The following POLA1 variants were observed in gnomAD, a reference collection of about 807,000 sequenced individuals.
The protein encoded by POLA1 is DNA polymerase alpha catalytic subunit.
Under a neutral mutation model 124.0 loss-of-function variants are expected in POLA1, and 15 were observed. The observed-to-expected ratio is 0.12, with a 90% confidence interval of 0.08 to 0.19. POLA1 has a LOEUF of 0.19. Ranked by LOEUF, POLA1 falls within the 10% of genes least tolerant of loss-of-function variation. The pLI is 1.00. For synonymous variants in POLA1, 408 were observed against 389.4 expected, an observed-to-expected ratio of 1.05 and a Z score of -0.56; for missense variants, 886 against 1,103.4, an observed-to-expected ratio of 0.80 and a Z score of 2.79.
At chrX:24,951,369 G>A (rs865801482) in intron 36 of POLA1, among the ~76,000 whole-genome samples, 1 of 69,695 alleles carries the variant, frequency 1.4e-5, no homozygotes, top group South Asian at 1.2e-3. Flanking sequence ...ACCAAATGCA[G>A]ACGAGGATAT....
intron 36 of POLA1, among the ~76,000 whole-genome samples, chrX:24,989,260 G>A: frequency 9.0e-6 from 1 of 111,174 alleles, no homozygotes; most frequent in East Asian, 2.8e-4. Flanking sequence ...ACAAAAACCT[G>A]TGAGAACCAG....
chrX:24,828,559 C>T lies in POLA1; in HGVS notation c.3736+1958C>T, dbSNP rs752889087. Among the ~76,000 whole-genome samples the T allele has an allele frequency of 2.7e-5, 3 of 111,984 alleles. No individual in the cohort carries two copies. The East Asian group carries it at 8.4e-4, about 31-fold the overall frequency. On this transcript the variant is annotated intron_variant, in intron 32 of 36. Transcript: ENST00000379068. ...CTCTATTTCTCACTGTACTCCCCCC[C>T]GCTCTCCACTGAAAACCTCTGAGTA...
intron 19 of POLA1, 148 bp from the exon 20 acceptor site, chrX:24,739,227 T>A (rs1931486027): frequency 2.2e-6 from 1 of 448,043 alleles, no homozygotes; most frequent in Admixed American, 4.2e-5. Flanking sequence ...TAATGTCAGA[T>A]ACATAGTAAA....
intron 34 of POLA1, among the ~76,000 whole-genome samples, chrX:24,886,582 G>T (rs1233019946): frequency 1.8e-5 from 2 of 111,548 alleles, no homozygotes; most frequent in African/African-American, 6.5e-5. Flanking sequence ...CTATTCCGAG[G>T]AATGAGGTCA....
chrX:24,919,372 C>G (rs2047578597), intron 35 of POLA1, among the ~76,000 whole-genome samples: 1 of 111,119 alleles, frequency 9.0e-6, no homozygotes. Context: ...TAATTTTATG[C>G]CAGATACCGT....
At chrX:24,802,866 C>T (rs574545843) in intron 26 of POLA1, among the ~76,000 whole-genome samples, 5 of 111,083 alleles carry the variant, frequency 4.5e-5, no homozygotes, top group South Asian at 3.8e-4. Flanking sequence ...GGCGTGGTGG[C>T]GCCTGCCTGT....
intron 26 of POLA1, among the ~76,000 whole-genome samples, chrX:24,766,987 A>G (rs1383865282): frequency 8.9e-6 from 1 of 111,860 alleles, no homozygotes; most frequent in Non-Finnish European, 1.9e-5. Context: ...TTGCTTTTGA[A>G]GCTGTTCAGT....
At chrX:24,814,898 C>T in intron 29 of POLA1, 81 bp from the exon 30 acceptor site, 1 of 678,243 alleles carries the variant, frequency 1.5e-6, no homozygotes, top group Non-Finnish European at 2.1e-6. Context: ...TGGCATTTCT[C>T]TTCCTTCTTC....
At chrX:24,975,300 G>A (rs770606091) in intron 36 of POLA1, among the ~76,000 whole-genome samples, 2 of 112,580 alleles carry the variant, frequency 1.8e-5, no homozygotes, top group African/African-American at 6.4e-5. Flanking sequence ...GTGGGCCACC[G>A]CACCCGGCCC....
At chrX:24,884,296 G>A (rs987138528) in intron 34 of POLA1, among the ~76,000 whole-genome samples, 3 of 110,700 alleles carry the variant, frequency 2.7e-5, no homozygotes, top group East Asian at 2.8e-4. Flanking sequence ...CCGTAGGTGC[G>A]TGCCACCACT....
chrX:24,771,922 G>A (rs1478112568), intron 26 of POLA1, among the ~76,000 whole-genome samples: 1 of 111,660 alleles, frequency 9.0e-6, no homozygotes, highest in African/African-American at 3.3e-5. Context: ...TAAAATTACA[G>A]TCTAACAATC....
At chrX:24,972,516 C>T (rs971127987) in intron 36 of POLA1, among the ~76,000 whole-genome samples, 14 of 111,866 alleles carry the variant, frequency 1.3e-4, no homozygotes, top group African/African-American at 4.2e-4. Flanking sequence ...AGTTCCCAAA[C>T]GTATATGCTG....
intron 36 of POLA1, among the ~76,000 whole-genome samples, chrX:24,961,748 T>TA (rs1446744201): frequency 1.8e-5 from 2 of 111,597 alleles, no homozygotes; most frequent in Non-Finnish European, 3.8e-5. Context: ...GGAGCTTTTT[T>TA]AAAAAAATCT....
intron 36 of POLA1, among the ~76,000 whole-genome samples, chrX:24,959,876 T>C (rs2048150127): frequency 1.8e-5 from 2 of 111,589 alleles, no homozygotes; most frequent in African/African-American, 6.5e-5. Context: ...TGGCTTACAT[T>C]ATATTATTAT....
At chrX:24,811,127 AT>A (rs2045892082) in intron 28 of POLA1, among the ~76,000 whole-genome samples, 1 of 108,284 alleles carries the variant, frequency 9.2e-6, no homozygotes, top group Admixed American at 9.8e-5. Context: ...TTAAAAAACA[AT>A]TTTTTTTGTA....
chrX:24,928,927 G>A (rs1380659746), intron 35 of POLA1, among the ~76,000 whole-genome samples: 1 of 111,740 alleles, frequency 8.9e-6, no homozygotes, highest in Non-Finnish European at 1.9e-5. Flanking sequence ...AGAGACTTGT[G>A]GAAGGAATGC....
intron 34 of POLA1, among the ~76,000 whole-genome samples, chrX:24,845,192 C>G (rs1344903534): frequency 9.0e-6 from 1 of 111,361 alleles, no homozygotes; most frequent in Non-Finnish European, 1.9e-5. Flanking sequence ...AAATAACCTA[C>G]TTTTAGGGAT....
intron 26 of POLA1, among the ~76,000 whole-genome samples, chrX:24,794,069 C>T (rs982619426): frequency 2.7e-5 from 3 of 111,017 alleles, no homozygotes; most frequent in Non-Finnish European, 3.8e-5. Context: ...CTCCACCTCC[C>T]GGGTTCAAAT....
intron 35 of POLA1, among the ~76,000 whole-genome samples, chrX:24,919,819 T>G (rs2047587477): frequency 1.1e-5 from 1 of 94,053 alleles, no homozygotes; most frequent in South Asian, 4.9e-4. Context: ...TTTTTTTTTT[T>G]GTTTTTTTTT....
Sources: gnomAD v4.1 joint callset for allele counts (sites outside exome capture counted in the v4.1 genomes callset) on GRCh38, gnomAD v4.1.1 for gene constraint, MANE v1.5 for transcripts, NCBI Gene and HGNC (gene_info 2026-07-23, HGNC 2026-07-21) for gene names.